The following GLRB variants were observed in gnomAD, a reference collection of about 807,000 sequenced individuals.
GLRB encodes the protein glycine receptor subunit beta.
Under a neutral mutation model 54.2 loss-of-function variants are expected in GLRB, and 33 were observed. The observed-to-expected ratio is 0.61, with a 90% CI of 0.46 to 0.81. The LOEUF (loss-of-function observed/expected upper bound fraction) is 0.81. Ranked by LOEUF, GLRB falls within the 40% of genes least tolerant of loss-of-function variation. GLRB has a pLI of 0.00. For synonymous variants in GLRB, 209 were observed against 208.2 expected, an observed-to-expected ratio of 1.00 and a Z score of -0.03; for missense variants, 572 against 584.6, an observed-to-expected ratio of 0.98 and a Z score of 0.22.
At chr4:157,126,639 T>C (rs1451434792) in intron 4 of GLRB, among the ~76,000 whole-genome samples, 1 of 151,844 alleles carries the variant, frequency 6.6e-6, no homozygotes, top group African/African-American at 2.4e-5. Context: ...TTCAAAACAG[T>C]GAGAAGAATG....
chr4:157,163,323 G>T (rs180674448), intron 9 of GLRB, among the ~76,000 whole-genome samples: 2 of 151,978 alleles, frequency 1.3e-5, no homozygotes, highest in Non-Finnish European at 2.9e-5. Flanking sequence ...GGGCTGCACC[G>T]ACAGTCAGAC....
chr4:157,107,528 C>T (rs745384588), intron 2 of GLRB, among the ~76,000 whole-genome samples: 10 of 152,110 alleles, frequency 6.6e-5, no homozygotes, highest in Non-Finnish European at 1.5e-4. Flanking sequence ...TGACCTATGA[C>T]ATTCCCTTAA....
chr4:157,143,631 G>A (rs2126582974), intron 7 of GLRB, among the ~76,000 whole-genome samples, 176 bp from the exon 8 acceptor site: 1 of 152,220 alleles, frequency 6.6e-6, no homozygotes, highest in Admixed American at 6.5e-5. Flanking sequence ...GTTCCATAAT[G>A]TCACCCTTTT....
In GLRB at chr4:157,170,598, A is replaced by T; in HGVS notation, c.1364A>T (p.Asn455Ile). Reference sequence around the variant, plus strand: ...GGACTTGGGAAATCTCAGGCTAAGAACAACAAGAAGCCTCCCCCTGCGAAA... The same window carrying T: ...GGACTTGGGAAATCTCAGGCTAAGATCAACAAGAAGCCTCCCCCTGCGAAA... ...NNGLGKSQAK[N>I]NKKPPPAKPV... Residue 455 changes from asparagine to isoleucine, a missense_variant, in exon 10 of 10, where the codon AAC becomes ATC. By Grantham distance (149) the Asn-to-Ile change is moderately radical. Transcript: ENST00000264428. 1 of 1,612,278 alleles carries T rather than the reference A, an allele frequency of 6.2e-7. No homozygotes were observed. Among genetic ancestry groups the T allele is most frequent in the Non-Finnish European group, 8.5e-7 (1 of 1,178,412 alleles).
intron 7 of GLRB, among the ~76,000 whole-genome samples, chr4:157,140,902 AT>A (rs1406820627): frequency 6.6e-6 from 1 of 151,952 alleles, no homozygotes; most frequent in Non-Finnish European, 1.5e-5. Context: ...GTAATAGCAT[AT>A]GATTATATAA....
At chr4:157,113,235 CG>C (rs1560949436) in intron 2 of GLRB, among the ~76,000 whole-genome samples, 1 of 151,790 alleles carries the variant, frequency 6.6e-6, no homozygotes, top group African/African-American at 2.4e-5. Context: ...TAAGTATCAT[CG>C]CAGTTGGTTG....
chr4:157,168,383 T>C (rs1341739799), intron 9 of GLRB, among the ~76,000 whole-genome samples: 1 of 152,198 alleles, frequency 6.6e-6, no homozygotes, highest in Non-Finnish European at 1.5e-5. Context: ...TAATAATTTC[T>C]CAATTGTTCC....
At chr4:157,085,237 C>T (rs1257363594) in intron 2 of GLRB, among the ~76,000 whole-genome samples, 1 of 151,894 alleles carries the variant, frequency 6.6e-6, no homozygotes, top group African/African-American at 2.4e-5. Flanking sequence ...CTGCTCTTAC[C>T]ATTATTTTAT....
At chr4:157,082,133 G>A (rs7694893) in intron 2 of GLRB, among the ~76,000 whole-genome samples, 151,598 of 152,278 alleles carry the variant, frequency 1, 75,460 homozygotes, top group Middle Eastern at 1. Flanking sequence ...CTATGTCTGT[G>A]TATACAGCCC....
intron 8 of GLRB, among the ~76,000 whole-genome samples, chr4:157,151,084 A>G (rs1579242654): frequency 1.3e-5 from 2 of 152,194 alleles, no homozygotes; most frequent in Non-Finnish European, 2.9e-5. Context: ...AAAGTTTCTA[A>G]TCTATCAGGA....
At chr4:157,138,766 T>C in intron 6 of GLRB, 43 bp from the exon 7 acceptor site, 1 of 952,798 alleles carries the variant, frequency 1.0e-6, no homozygotes, top group Non-Finnish European at 1.7e-6. Flanking sequence ...AAAAGCATTA[T>C]TAATTATATT....
intron 9 of GLRB, among the ~76,000 whole-genome samples, chr4:157,164,570 TTA>T (rs1221258528): frequency 1.3e-5 from 2 of 152,270 alleles, no homozygotes; most frequent in Admixed American, 6.5e-5. Context: ...GGCTGGTATA[TTA>T]TAGGTCCTCA....
chr4:157,122,902 G>C (rs11947263), intron 4 of GLRB, among the ~76,000 whole-genome samples: 9,026 of 151,622 alleles, frequency 0.06, 670 homozygotes, highest in African/African-American at 0.18. Flanking sequence ...GCCTTGAAAA[G>C]ATGGTGCAGC....
intron 7 of GLRB, among the ~76,000 whole-genome samples, chr4:157,142,582 C>T (rs1397681541): frequency 6.6e-6 from 1 of 151,966 alleles, no homozygotes; most frequent in East Asian, 1.9e-4. Flanking sequence ...GCTGTAGGTG[C>T]TATTAATGAA....
intron 4 of GLRB, among the ~76,000 whole-genome samples, chr4:157,132,236 A>T (rs1240411696): frequency 6.6e-6 from 1 of 151,734 alleles, no homozygotes; most frequent in Non-Finnish European, 1.5e-5. Flanking sequence ...TCTTTTGGAC[A>T]TTTTTTAATT....
chr4:157,123,859 C>T (rs576330336), intron 4 of GLRB, among the ~76,000 whole-genome samples: 1 of 151,824 alleles, frequency 6.6e-6, no homozygotes, highest in East Asian at 2.0e-4. Context: ...TTATAGGAAA[C>T]ATCCCCACTC....
intron 2 of GLRB, among the ~76,000 whole-genome samples, chr4:157,089,414 A>G (rs1179031112): frequency 6.6e-6 from 1 of 152,180 alleles, no homozygotes; most frequent in Non-Finnish European, 1.5e-5. Flanking sequence ...CAAAGAAATA[A>G]GTAAATGAAG....
chr4:157,082,140 G>C (rs1579179866), intron 2 of GLRB, among the ~76,000 whole-genome samples: 1 of 151,978 alleles, frequency 6.6e-6, no homozygotes, highest in African/African-American at 2.4e-5. Flanking sequence ...TGTGTATACA[G>C]CCCGTACCTC....
intron 9 of GLRB, among the ~76,000 whole-genome samples, chr4:157,168,128 T>TTTG (rs34375446): frequency 6.7e-6 from 1 of 148,482 alleles, no homozygotes; most frequent in African/African-American, 2.5e-5. Context: ...TTTTTTTTTT[T>TTTG]GTCAGACATT....
Sources: allele counts gnomAD v4.1 joint callset (sites outside exome capture counted in the v4.1 genomes callset), GRCh38; gene constraint gnomAD v4.1.1; transcripts MANE v1.5; gene names NCBI Gene and HGNC (gene_info 2026-07-23, HGNC 2026-07-21).